The following PALLD variants were observed in gnomAD, a reference collection of about 807,000 sequenced individuals.
PALLD encodes palladin, cytoskeletal associated protein.
Under a neutral mutation model 123.5 loss-of-function variants are expected in PALLD, and 61 were observed. The observed-to-expected ratio is 0.49, with a 90% confidence interval of 0.40 to 0.61. The LOEUF is 0.61. Among genes scored for constraint, PALLD ranks in the 20% least tolerant of loss-of-function variants. The pLI, the probability that PALLD is intolerant of heterozygous loss-of-function variation, is 0.00. For synonymous variants in PALLD, 465 were observed against 496.4 expected, an observed-to-expected ratio of 0.94 and a Z score of 0.84; for missense variants, 1,273 against 1,377.0, an observed-to-expected ratio of 0.92 and a Z score of 1.20.
intron 2 of PALLD, among the ~76,000 whole-genome samples, chr4:168,552,337 C>A (rs547425846): frequency 4.9e-4 from 75 of 152,220 alleles, no homozygotes; most frequent in African/African-American, 1.7e-3. Context: ...TGGTGAGAAA[C>A]AAGCAGGTAT....
At chr4:168,648,857 A>G (rs993549407) in intron 2 of PALLD, 27 of 152,136 alleles carry the variant, frequency 1.8e-4, no homozygotes, top group African/African-American at 6.5e-4. Flanking sequence ...TATCTCTCTC[A>G]CCCTGCTCCC....
At chr4:168,649,271 A>G (rs562147858) in intron 2 of PALLD, among the ~76,000 whole-genome samples, 9 of 152,222 alleles carry the variant, frequency 5.9e-5, no homozygotes, top group Admixed American at 3.9e-4. Context: ...CTTTGCATCA[A>G]TAGATCTAGT....
chr4:168,868,218 AT>A (rs1429200124), intron 10 of PALLD, among the ~76,000 whole-genome samples: 3 of 152,188 alleles, frequency 2.0e-5, no homozygotes, highest in Admixed American at 6.5e-5. Context: ...CTGAAGCCAT[AT>A]ACCAGTTGAC....
intron 2 of PALLD, among the ~76,000 whole-genome samples, chr4:168,584,728 T>C (rs1478610679): frequency 6.6e-6 from 1 of 152,220 alleles, no homozygotes; most frequent in Admixed American, 6.5e-5. Flanking sequence ...TTTCTGAATA[T>C]GAACATTCAA....
At chr4:168,698,509 T>G (rs950941316) in intron 8 of PALLD, among the ~76,000 whole-genome samples, 3 of 152,112 alleles carry the variant, frequency 2.0e-5, no homozygotes, top group African/African-American at 7.2e-5. Context: ...ATATACTTCC[T>G]ATGTAACCAC....
At chr4:168,619,499 G>A (rs998210133) in intron 2 of PALLD, among the ~76,000 whole-genome samples, 9 of 152,240 alleles carry the variant, frequency 5.9e-5, no homozygotes, top group East Asian at 1.9e-4. Context: ...CACTGCTGTT[G>A]TAGGGATAGC....
chr4:168,905,399 C>G (rs555539926), intron 15 of PALLD, among the ~76,000 whole-genome samples: 1 of 151,736 alleles, frequency 6.6e-6, no homozygotes, highest in African/African-American at 2.4e-5. Flanking sequence ...CCGCCCGCCT[C>G]GGCCTCCCAA....
At chr4:168,855,105 T>C (rs1214172965) in intron 10 of PALLD, among the ~76,000 whole-genome samples, 1 of 149,256 alleles carries the variant, frequency 6.7e-6, no homozygotes, top group Non-Finnish European at 1.5e-5. Flanking sequence ...TTTTTTTTTT[T>C]TTTTGAGACG....
At chr4:168,588,005 G>C (rs762639492) in intron 2 of PALLD, among the ~76,000 whole-genome samples, 9 of 152,044 alleles carry the variant, frequency 5.9e-5, no homozygotes, top group Non-Finnish European at 8.8e-5. Context: ...AACCCCTTGA[G>C]GCAGAAACTC....
chr4:168,749,643 G>T (rs1730772375), intron 10 of PALLD, among the ~76,000 whole-genome samples: 3 of 152,148 alleles, frequency 2.0e-5, no homozygotes, highest in Non-Finnish European at 2.9e-5. Context: ...GGCAGAGGTT[G>T]CAGTGAGCCG....
chr4:168,868,513 C>T (rs1224348773), intron 10 of PALLD, among the ~76,000 whole-genome samples: 1 of 152,186 alleles, frequency 6.6e-6, no homozygotes, highest in Non-Finnish European at 1.5e-5. Context: ...ATTCTCCTTC[C>T]AGAAATAAAG....
At chr4:168,647,805 AGTG>A (rs1777627748) in intron 2 of PALLD, 1 of 148,886 alleles carries the variant, frequency 6.7e-6, no homozygotes, top group Non-Finnish European at 1.5e-5. Context: ...AAAAAAAAGA[AGTG>A]GCATGCATAT....
At chr4:168,712,837 G>A (rs538448663) in intron 10 of PALLD, among the ~76,000 whole-genome samples, 1 of 151,882 alleles carries the variant, frequency 6.6e-6, no homozygotes, top group East Asian at 1.9e-4. Flanking sequence ...GCTTCTTTAG[G>A]GGTTATTCTT....
chr4:168,791,308 C>T (rs1416035993), intron 10 of PALLD, among the ~76,000 whole-genome samples: 1 of 152,222 alleles, frequency 6.6e-6, no homozygotes, highest in African/African-American at 2.4e-5. Flanking sequence ...CTAGTTTCCC[C>T]TCTGGGACCC....
At chr4:168,723,654 G>T (rs528449866) in intron 10 of PALLD, among the ~76,000 whole-genome samples, 1 of 152,312 alleles carries the variant, frequency 6.6e-6, no homozygotes, top group East Asian at 1.9e-4. Context: ...TTCCTACTGT[G>T]TTGTGCTAGA....
At chr4:168,769,854 GCTGGTTTTTAGTTAT>G (rs1734160516) in intron 10 of PALLD, among the ~76,000 whole-genome samples, 1 of 152,142 alleles carries the variant, frequency 6.6e-6, no homozygotes, top group Admixed American at 6.5e-5. Flanking sequence ...GTAAAATCTT[GCTGGTTTTTAGTTAT>G]CTACAGATTG....
In PALLD at chr4:168,526,068, G is replaced by A. The variant is rs552104924; in HGVS notation, c.908+13656G>A. Among the ~76,000 whole-genome samples, 5 of 152,234 alleles carry A rather than the reference G, an allele frequency of 3.3e-5. No homozygotes were observed. In the South Asian group the frequency reaches 1.0e-3, roughly 32 times the overall value. ...AAAATGGCTTTAGCTCTTTGGAATT[G>A]GAAGTTGTATCTTCTAACATGGCCT... On this transcript the variant is annotated intron_variant, in intron 2 of 21. Transcript: ENST00000505667.
rs564514546 is a variant in PALLD at position 168,759,427 on chromosome 4, G to A, written c.1964+47504G>A. On this transcript the variant is annotated intron_variant, in intron 10 of 21. Transcript: ENST00000505667. ...TCAACTTGCTCTACTTGGCAGGAAG[G>A]TACCTAGACCTCACTCACCTATTCA... 4.6e-5 allele frequency among the ~76,000 whole-genome samples: 7 copies of A among 151,390 alleles called. No homozygotes were observed. In the South Asian group the frequency reaches 1.5e-3, roughly 32 times the overall value.
intron 10 of PALLD, among the ~76,000 whole-genome samples, chr4:168,765,555 G>A (rs988167249): frequency 3.3e-5 from 5 of 152,108 alleles, no homozygotes; most frequent in East Asian, 1.9e-4. Flanking sequence ...TTAGCTACAC[G>A]TTCATGGACA....
Sources: allele counts gnomAD v4.1 joint callset (sites outside exome capture counted in the v4.1 genomes callset), GRCh38; gene constraint gnomAD v4.1.1; transcripts MANE v1.5; gene names NCBI Gene and HGNC (gene_info 2026-07-23, HGNC 2026-07-21).